The following GPC5 variants were observed in gnomAD, a reference collection of about 807,000 sequenced individuals.
GPC5 encodes glypican 5, also known as glypican-5.
In GPC5, 47 loss-of-function variants were observed where a neutral mutation model predicts 53.9. The observed-to-expected ratio is 0.87, with a 90% CI of 0.69 to 1.11. The LOEUF (loss-of-function observed/expected upper bound fraction) is 1.11, where lower values mean the gene tolerates loss of function less well. Ranked by LOEUF, GPC5 falls within the 50% of genes most tolerant of loss-of-function variation. The probability of loss-of-function intolerance (pLI) is 0.00; values close to 1 mark genes in which losing one functional copy is unlikely to be tolerated. For missense variants in GPC5, 748 were observed against 713.1 expected (o/e 1.05, Z -0.56); for synonymous variants, 286 against 263.3 (o/e 1.09, Z -0.84).
intron 7 of GPC5, among the ~76,000 whole-genome samples, chr13:92,567,966 T>C (rs4773690): frequency 0.29 from 44,278 of 151,964 alleles, 6,938 homozygotes; most frequent in African/African-American, 0.41. Flanking sequence ...GTGTAGAAAT[T>C]GAAAAAGAAA....
chr13:92,465,428 G>T (rs545894566), intron 7 of GPC5, among the ~76,000 whole-genome samples: 1 of 152,168 alleles, frequency 6.6e-6, no homozygotes, highest in Admixed American at 6.5e-5. Context: ...TGAGCTAGAT[G>T]TCAGATAATT....
In GPC5 at chr13:91,448,745, A is replaced by C; in HGVS notation, c.164-16A>C. The stretch of plus-strand genomic sequence containing the variant: ...AATGAACAGGTAATCATTCTGAAAA[A>C]TGTTGTGTGTTCCAGGACCTGATCT... On this transcript the variant is annotated splice_polypyrimidine_tract_variant and intron_variant, in intron 1 of 7. Coordinates refer to ENST00000377067, the MANE Select transcript of GPC5 (RefSeq NM_004466.6). The C allele has an allele frequency of 6.2e-7, 1 of 1,608,514 alleles. No homozygotes were observed. The highest frequency in any genetic ancestry group is 8.5e-7 in the Non-Finnish European group (1 of 1,177,962).
At chr13:92,624,299 A>G (rs917588201) in intron 7 of GPC5, among the ~76,000 whole-genome samples, 4 of 151,956 alleles carry the variant, frequency 2.6e-5, no homozygotes, top group African/African-American at 9.7e-5. Context: ...CAAACTCCTG[A>G]TCTCAGATGA....
chr13:91,491,185 C>T (rs541735638), intron 2 of GPC5, among the ~76,000 whole-genome samples: 17 of 152,270 alleles, frequency 1.1e-4, no homozygotes, highest in Admixed American at 6.5e-4. Context: ...ATTACTTTCC[C>T]GGCTAATACA....
At chr13:91,456,341 T>C (rs1478177329) in intron 2 of GPC5, among the ~76,000 whole-genome samples, 1 of 151,906 alleles carries the variant, frequency 6.6e-6, no homozygotes, top group Non-Finnish European at 1.5e-5. Flanking sequence ...TATTTCCAAA[T>C]GTTAACTTTT....
chr13:91,838,759 A>T (rs1446805744), intron 5 of GPC5, among the ~76,000 whole-genome samples: 1 of 152,194 alleles, frequency 6.6e-6, no homozygotes, highest in Non-Finnish European at 1.5e-5. Flanking sequence ...AGCAGGTCAG[A>T]AGCTCAGGGA....
In GPC5 at chr13:91,924,010, T is replaced by C. The variant is rs544141591; in HGVS notation, c.1401+15953T>C. Among the ~76,000 whole-genome samples the C allele has an allele frequency of 1.4e-4, 22 of 152,244 alleles. No homozygotes were observed. The South Asian group carries it at 3.9e-3, about 27-fold the overall frequency. Reference sequence around the variant, plus strand: ...AATAAGAAAATCCTTTCAAAATTTTTAAAAGAATCACATTACCCAAGAAGA... The same window carrying C: ...AATAAGAAAATCCTTTCAAAATTTTCAAAAGAATCACATTACCCAAGAAGA... On this transcript the variant is annotated intron_variant, in intron 6 of 7. Transcript: ENST00000377067.
chr13:92,541,434 G>C (rs1042815696), intron 7 of GPC5, among the ~76,000 whole-genome samples: 1 of 151,752 alleles, frequency 6.6e-6, no homozygotes, highest in African/African-American at 2.4e-5. Flanking sequence ...TGCATGAAAA[G>C]TTAATACATT....
intron 6 of GPC5, among the ~76,000 whole-genome samples, chr13:92,080,086 T>C (rs2041283571): frequency 1.3e-5 from 2 of 152,218 alleles, no homozygotes. Flanking sequence ...AATTGGAGGC[T>C]ATTAACTAAA....
intron 7 of GPC5, among the ~76,000 whole-genome samples, chr13:92,181,405 AAAAAT>A (rs2139035910): frequency 1.3e-5 from 2 of 152,314 alleles, no homozygotes; most frequent in East Asian, 3.9e-4. Flanking sequence ...CAAGCAAACA[AAAAAT>A]AAATAAAATT....
chr13:91,473,312 G>T (rs1328035558), intron 2 of GPC5, among the ~76,000 whole-genome samples: 1 of 151,950 alleles, frequency 6.6e-6, no homozygotes. Context: ...CCATATCAAG[G>T]CCCTGTTCCC....
chr13:91,977,862 G>A (rs1258246944), intron 6 of GPC5, among the ~76,000 whole-genome samples: 2 of 151,338 alleles, frequency 1.3e-5, no homozygotes, highest in Non-Finnish European at 1.5e-5. Context: ...CTGTAATCTC[G>A]GCACTTTGGG....
At chr13:91,674,394 C>T (rs1192035188) in intron 2 of GPC5, among the ~76,000 whole-genome samples, 3 of 147,002 alleles carry the variant, frequency 2.0e-5, no homozygotes, top group African/African-American at 7.7e-5. Flanking sequence ...TATATATACA[C>T]ACACACATAT....
At chr13:91,976,544 G>A (rs937110811) in intron 6 of GPC5, among the ~76,000 whole-genome samples, 2 of 152,142 alleles carry the variant, frequency 1.3e-5, no homozygotes, top group African/African-American at 4.8e-5. Context: ...TGGGAAAACA[G>A]GAATTAGAGA....
chr13:92,104,464 A>G (rs1009848863), intron 6 of GPC5, among the ~76,000 whole-genome samples: 47 of 152,182 alleles, frequency 3.1e-4, no homozygotes, highest in Admixed American at 6.5e-4. Flanking sequence ...CGGAAATCCT[A>G]ACAACTTGAA....
chr13:92,482,847 G>T (rs1431667361), intron 7 of GPC5, among the ~76,000 whole-genome samples: 2 of 152,128 alleles, frequency 1.3e-5, no homozygotes, highest in Non-Finnish European at 2.9e-5. Context: ...TAATGATGGG[G>T]ATACTGTATT....
At chr13:92,827,056 GTAT>G (rs1181067688) in intron 7 of GPC5, among the ~76,000 whole-genome samples, 6 of 152,040 alleles carry the variant, frequency 3.9e-5, no homozygotes, top group Non-Finnish European at 8.8e-5. Flanking sequence ...TTCTTAAAAA[GTAT>G]TATTTTGAGA....
At chr13:92,542,723 T>C (rs949031296) in intron 7 of GPC5, among the ~76,000 whole-genome samples, 4 of 152,088 alleles carry the variant, frequency 2.6e-5, no homozygotes, top group African/African-American at 9.7e-5. Flanking sequence ...AGACTTTGTC[T>C]TTCACTCCTG....
intron 5 of GPC5, among the ~76,000 whole-genome samples, chr13:91,816,108 A>C (rs934055426): frequency 2.6e-5 from 4 of 152,164 alleles, no homozygotes; most frequent in Non-Finnish European, 4.4e-5. Context: ...CTACTTTAGC[A>C]AGGAGAGGCT....
Sources: allele counts gnomAD v4.1 joint callset (sites outside exome capture counted in the v4.1 genomes callset), GRCh38; gene constraint gnomAD v4.1.1; transcripts MANE v1.5; gene names NCBI Gene and HGNC (gene_info 2026-07-23, HGNC 2026-07-21).